ANKRD29: variants seen among roughly 807,000 people sequenced by gnomAD.
The protein encoded by ANKRD29 is ankyrin repeat domain 29, also known as ankyrin repeat domain-containing protein 29.
A neutral mutation model predicts 38.0 loss-of-function variants in ANKRD29; 32 were observed. The observed-to-expected ratio is 0.84, with a 90% confidence interval of 0.64 to 1.13. ANKRD29 has a LOEUF of 1.13. Among genes scored for constraint, ANKRD29 ranks in the 50% most tolerant of loss-of-function variants. The pLI is 0.00. For synonymous variants in ANKRD29, 135 were observed against 152.4 expected, an observed-to-expected ratio of 0.89 and a Z score of 0.84; for missense variants, 357 against 377.9, an observed-to-expected ratio of 0.94 and a Z score of 0.46.
intron 3 of ANKRD29, among the ~76,000 whole-genome samples, chr18:23,641,565 AG>A (rs2060077271): frequency 6.6e-6 from 1 of 152,168 alleles, no homozygotes; most frequent in Non-Finnish European, 1.5e-5. Flanking sequence ...CACAGGAGGG[AG>A]GCTGAGGGGC....
At chr18:23,655,208 G>A (rs1392339710) in intron 1 of ANKRD29, among the ~76,000 whole-genome samples, 2 of 147,684 alleles carry the variant, frequency 1.4e-5, no homozygotes, top group African/African-American at 5.0e-5. Context: ...TGGCCCAGGG[G>A]ATCCCAAAGA....
chr18:23,645,532 C>T (rs1316511548), intron 3 of ANKRD29, among the ~76,000 whole-genome samples: 1 of 152,104 alleles, frequency 6.6e-6, no homozygotes, highest in African/African-American at 2.4e-5. Context: ...CGAGGTTGCG[C>T]CATTGCACTC....
chr18:23,630,762 A>T (rs2059920556), intron 5 of ANKRD29, among the ~76,000 whole-genome samples: 1 of 151,442 alleles, frequency 6.6e-6, no homozygotes, highest in African/African-American at 2.4e-5. Context: ...CCTCATTTTT[A>T]AAAAATTTAT....
At chr18:23,624,405 T>G (rs1172768837) in intron 6 of ANKRD29, among the ~76,000 whole-genome samples, 1 of 133,492 alleles carries the variant, frequency 7.5e-6, no homozygotes, top group South Asian at 2.3e-4. Flanking sequence ...AGGCAGATGT[T>G]GCAGTGAGCC....
chr18:23,632,166 G>T (rs1381645444), intron 5 of ANKRD29, among the ~76,000 whole-genome samples: 1 of 152,114 alleles, frequency 6.6e-6, no homozygotes, highest in Non-Finnish European at 1.5e-5. Context: ...GTTTTATATG[G>T]GGATAACATT....
intron 8 of ANKRD29, among the ~76,000 whole-genome samples, chr18:23,615,604 G>C (rs1029320947): frequency 6.6e-6 from 1 of 151,840 alleles, no homozygotes; most frequent in Non-Finnish European, 1.5e-5. Flanking sequence ...TGGAGATGGA[G>C]TCTAGCTATG....
intron 8 of ANKRD29, among the ~76,000 whole-genome samples, chr18:23,617,451 G>A (rs1229277570): frequency 2.0e-5 from 3 of 151,836 alleles, no homozygotes. Flanking sequence ...CCTCCAAATG[G>A]TGTCAAAATG....
chr18:23,659,503 G>A (rs1174427511), intron 1 of ANKRD29, among the ~76,000 whole-genome samples: 3 of 152,168 alleles, frequency 2.0e-5, no homozygotes, highest in Non-Finnish European at 2.9e-5. Flanking sequence ...CCAGCACTTT[G>A]GAAGTCTGAA....
intron 1 of ANKRD29, among the ~76,000 whole-genome samples, chr18:23,654,453 C>G (rs1484542186): frequency 6.6e-6 from 1 of 151,446 alleles, no homozygotes. Context: ...AACCCTGTTT[C>G]TACTAAAAAT....
At position 23,649,336 on chromosome 18, in the gene ANKRD29, A is replaced by G; in HGVS notation, c.22-143T>C. 5.5e-6 allele frequency: 4 copies of G among 727,638 alleles called. No individual in the cohort carries two copies. In the East Asian group the frequency reaches 1.1e-4, roughly 20 times the overall value. 45.1% of individuals were successfully genotyped at this position (727,638 alleles called of 1,614,324 possible). ...AAGATTGATCCTCCAGCAATAGACAACTGTAATAACAGAATGAACTCTGTT... is the reference window on the plus strand; with the variant it reads ...AAGATTGATCCTCCAGCAATAGACAGCTGTAATAACAGAATGAACTCTGTT... On this transcript the variant is annotated intron_variant, in intron 1 of 9. Coordinates refer to ENST00000592179, the MANE Select transcript of ANKRD29 (RefSeq NM_173505.4).
chr18:23,653,962 A>G (rs552202539), intron 1 of ANKRD29, among the ~76,000 whole-genome samples: 1 of 152,100 alleles, frequency 6.6e-6, no homozygotes, highest in Admixed American at 6.5e-5. Context: ...CAAATAACAG[A>G]GCCGGGATTT....
At chr18:23,639,566 C>G (rs1461627818) in intron 3 of ANKRD29, among the ~76,000 whole-genome samples, 6 of 139,018 alleles carry the variant, frequency 4.3e-5, no homozygotes, top group Non-Finnish European at 6.1e-5. Context: ...GAGTCTTGCT[C>G]TGTCACCGAG....
At chr18:23,620,557 G>A (rs1485304810) in intron 6 of ANKRD29, among the ~76,000 whole-genome samples, 1 of 152,150 alleles carries the variant, frequency 6.6e-6, no homozygotes, top group East Asian at 1.9e-4. Flanking sequence ...GGTCACGTGA[G>A]AGTGTCCACG....
chr18:23,603,311 T>C (rs868555466), intron 9 of ANKRD29, among the ~76,000 whole-genome samples: 2 of 152,252 alleles, frequency 1.3e-5, no homozygotes, highest in African/African-American at 4.8e-5. Flanking sequence ...TTGTAGAATG[T>C]TGGCACATTT....
At chr18:23,644,151 T>G (rs972392716) in intron 3 of ANKRD29, among the ~76,000 whole-genome samples, 2 of 152,200 alleles carry the variant, frequency 1.3e-5, no homozygotes, top group Non-Finnish European at 1.5e-5. Context: ...ATCTCCAAGA[T>G]TAGTTGAGCA....
chr18:23,630,551 G>A (rs1473747057), intron 5 of ANKRD29, among the ~76,000 whole-genome samples: 2 of 152,148 alleles, frequency 1.3e-5, no homozygotes, highest in Non-Finnish European at 2.9e-5. Flanking sequence ...AACCCAGGAG[G>A]TGGAGGTTAC....
chr18:23,619,681 C>A (rs897590963), intron 6 of ANKRD29, 52 bp from the exon 7 acceptor site: 3 of 1,463,474 alleles, frequency 2.0e-6, no homozygotes, highest in Non-Finnish European at 2.7e-6. Flanking sequence ...CGGCCCCACC[C>A]GCTCACAGAA....
At chr18:23,634,278 GTTTT>G (rs71163626) in intron 4 of ANKRD29, 129 bp from the exon 5 acceptor site, 363 of 372,886 alleles carry the variant, frequency 9.7e-4, no homozygotes, top group East Asian at 3.1e-3. Flanking sequence ...CACTTTCCCT[GTTTT>G]TTTTTTTTTT....
intron 4 of ANKRD29, among the ~76,000 whole-genome samples, chr18:23,635,306 A>C (rs981483045): frequency 2.0e-5 from 3 of 151,964 alleles, no homozygotes; most frequent in Non-Finnish European, 4.4e-5. Context: ...AAAAAAAAAA[A>C]ACCCAACTAA....
Sources: allele counts gnomAD v4.1 joint callset (sites outside exome capture counted in the v4.1 genomes callset), GRCh38; gene constraint gnomAD v4.1.1; transcripts MANE v1.5; gene names NCBI Gene and HGNC (gene_info 2026-07-23, HGNC 2026-07-21).